TRAP1: variants seen among roughly 807,000 people sequenced by gnomAD.
The protein encoded by TRAP1 is TNF receptor associated protein 1.
TRAP1 carries 102 observed loss-of-function variants against 89.1 expected under a neutral mutation model. That is an observed-to-expected ratio of 1.15 (90% CI 0.98 to 1.35). The LOEUF (loss-of-function observed/expected upper bound fraction) is 1.35, where lower values mean the gene tolerates loss of function less well. Among genes scored for constraint, TRAP1 ranks in the 40% most tolerant of loss-of-function variants. The probability of loss-of-function intolerance (pLI) is 0.00; values close to 1 mark genes in which losing one functional copy is unlikely to be tolerated. For synonymous variants in TRAP1, 508 were observed against 388.0 expected, an observed-to-expected ratio of 1.31 and a Z score of -3.64; for missense variants, 1,256 against 945.3, an observed-to-expected ratio of 1.33 and a Z score of -4.31.
At chr16:3,659,913 C>T (rs2042973596) in intron 16 of TRAP1, 1 of 152,118 alleles carries the variant, frequency 6.6e-6, no homozygotes, top group Non-Finnish European at 1.5e-5. Context: ...CCACCCCCAG[C>T]TAGTTTTTGT....
At chr16:3,705,427 C>CGGAA (rs969620026) in intron 1 of TRAP1, among the ~76,000 whole-genome samples, 2 of 152,094 alleles carry the variant, frequency 1.3e-5, no homozygotes, top group Non-Finnish European at 2.9e-5. Context: ...TGTTCACTCT[C>CGGAA]TTTTCCCTCT....
Position 3,662,081 on chromosome 16 carries a change from C to T in TRAP1, c.1846G>A (p.Gly616Arg), listed in dbSNP as rs1025157363. 6.2e-7 allele frequency: 1 copy of T among 1,613,198 alleles called. No individual in the cohort carries two copies. The highest frequency in any genetic ancestry group is 1.3e-5 in the African/African-American group (1 of 74,934). Residue 616 changes from glycine (G) to arginine (R), a missense_variant, in exon 16 of 18, where the codon GGG becomes AGG. By Grantham distance (125) the Gly-to-Arg change is moderately radical. Transcript: ENST00000246957. ...ATGCGCAGGAAGTGGCGGGCAGCCC[C>T]CATCTCCAGCACGGTGACCATGGCA... ...HPAMVTVLEM[G>R]AARHFLRMQQ...
intron 5 of TRAP1, among the ~76,000 whole-genome samples, chr16:3,678,865 G>A (rs1284855583): frequency 6.6e-6 from 1 of 152,186 alleles, no homozygotes; most frequent in Non-Finnish European, 1.5e-5. Flanking sequence ...GAGTCCAAAT[G>A]TGTTGCTCTG....
In TRAP1 at chr16:3,658,220, T is replaced by C. The variant is rs1024849588; in HGVS notation, c.2024A>G (p.Asn675Ser). Residue 675 changes from asparagine (N) to serine (S), a missense_variant, in exon 18 of 18, where the codon AAC (asparagine) becomes AGC (serine). By Grantham distance (46) the Asn-to-Ser change is conservative (BLOSUM62 1). Coordinates refer to ENST00000246957, the MANE Select transcript of TRAP1 (RefSeq NM_016292.3). ...AACAAGTCCAGCAGCAATCATGGCG[T>C]TCTCGTATATCTGAAAGGCAAGAGG... is the stretch of plus-strand genomic sequence containing the variant. ...AQLLVDQIYE[N>S]AMIAAGLVDD... is the part of the protein sequence containing the mutation. 1.2e-6 allele frequency: 2 copies of C among 1,613,508 alleles called. No individual in the cohort carries two copies. Among genetic ancestry groups the C allele is most frequent in the African/African-American group, 2.7e-5 (2 of 74,772 alleles).
chr16:3,691,448 T>G (rs2051213447), intron 1 of TRAP1, among the ~76,000 whole-genome samples: 1 of 152,224 alleles, frequency 6.6e-6, no homozygotes, highest in Admixed American at 6.5e-5. Flanking sequence ...CTCGAACTCC[T>G]GGGCTGAAAC....
At position 3,664,119 on chromosome 16, in the gene TRAP1, C is replaced by T. The variant is rs763883188; in HGVS notation, c.1569+155G>A. On this transcript the variant is annotated intron_variant, in intron 13 of 17. Coordinates refer to ENST00000246957, the MANE Select transcript of TRAP1 (RefSeq NM_016292.3). The stretch of plus-strand genomic sequence containing the variant: ...ATGTGACCTCCAAGTGGGAAACAGC[C>T]GTCACAGTCGGTCCGGCCTCTGTGC... The T allele has an allele frequency of 1.9e-5, 14 of 754,860 alleles. No individual in the cohort carries two copies. The Middle Eastern group carries it at 1.2e-3, about 64-fold the overall frequency. The allele number at this position is 754,860 out of a possible 1,614,324, so 46.8% of individuals were successfully genotyped here. A position where few individuals can be genotyped will look rare whatever the true frequency, so the allele number is the denominator to read the frequency against.
intron 11 of TRAP1, among the ~76,000 whole-genome samples, chr16:3,670,471 C>A (rs1418457899): frequency 1.3e-5 from 2 of 149,752 alleles, no homozygotes; most frequent in African/African-American, 2.5e-5. Flanking sequence ...GAGGCTGAGG[C>A]CAAAGGATCG....
intron 1 of TRAP1, among the ~76,000 whole-genome samples, chr16:3,708,590 T>C (rs1248687654): frequency 4.6e-5 from 7 of 151,948 alleles, no homozygotes; most frequent in East Asian, 1.9e-4. Context: ...TGAGCCAAGA[T>C]TGTACCACTG....
intron 5 of TRAP1, 140 bp downstream of exon 5, chr16:3,679,579 T>G: frequency 5.1e-5 from 42 of 830,272 alleles, no homozygotes; most frequent in Non-Finnish European, 7.5e-5. Flanking sequence ...TGTCATGTCA[T>G]GAGGTGTTCC....
chr16:3,672,576 G>A (rs999846691), intron 10 of TRAP1, 124 bp downstream of exon 10: 84 of 1,414,978 alleles, frequency 5.9e-5, no homozygotes, highest in African/African-American at 2.7e-4. Flanking sequence ...CACAGGCAGC[G>A]CAGGCCGACG....
At chr16:3,696,480 C>T (rs929887728) in intron 1 of TRAP1, among the ~76,000 whole-genome samples, 1 of 152,114 alleles carries the variant, frequency 6.6e-6, no homozygotes, top group Admixed American at 6.5e-5. Context: ...CAGCAGAATT[C>T]CAATGAATAA....
Position 3,671,759 on chromosome 16 carries a change from G to C in TRAP1, c.1198C>G (p.Leu400Val). The C allele has an allele frequency of 5.0e-6, 8 of 1,613,288 alleles. No homozygotes were observed. The highest frequency in any genetic ancestry group is 5.9e-6 in the Non-Finnish European group (7 of 1,180,026). The change falls in exon 11 of 18, where the codon CTC (leucine) becomes GTC (valine). Residue 400 changes from leucine (L) to valine (V), a missense_variant. Physicochemically the swap from Leu to Val is conservative, Grantham distance 32. Transcript: ENST00000246957. ...CTCTCCTGCAGCAGCTCCCGGCTGA[G>C]GTTCAGGGGAATGTCCTCACTGTCC... is the stretch of plus-strand genomic sequence containing the variant. Reference protein sequence around the residue: ...VVDSEDIPLNLSRELLQESAL... With the variant: ...VVDSEDIPLNVSRELLQESAL...
chr16:3,707,146 C>T (rs944597552), intron 1 of TRAP1, among the ~76,000 whole-genome samples: 1 of 149,886 alleles, frequency 6.7e-6, no homozygotes, highest in Non-Finnish European at 1.5e-5. Context: ...AACTGCCAGG[C>T]ATCTTGAGTT....
chr16:3,664,445 C>G lies in TRAP1; in HGVS notation c.1398G>C (p.Lys466Asn). 1 of 1,611,228 alleles carries G rather than the reference C, an allele frequency of 6.2e-7. No individual in the cohort carries two copies. ...TEQEVKEDIA[K>N]LLRYESSALP... ...GCGCCGAGGACTCGTAGCGCAGCAG[C>G]TTTGCTATGTCCTCCTAGAAGGGAC... Residue 466 changes from lysine to asparagine, a missense_variant, in exon 13 of 18, where the codon AAG (lysine) becomes AAC (asparagine). Physicochemically the swap from Lys to Asn is moderately conservative, Grantham distance 94. Transcript: ENST00000246957.
chr16:3,712,216 G>A (rs1324918071), intron 1 of TRAP1, among the ~76,000 whole-genome samples: 2 of 134,922 alleles, frequency 1.5e-5, no homozygotes, highest in Admixed American at 8.5e-5. Flanking sequence ...CTGAATTCAG[G>A]AGGCGGAAGT....
intron 4 of TRAP1, among the ~76,000 whole-genome samples, chr16:3,683,121 A>G (rs2051094237): frequency 6.6e-6 from 1 of 151,768 alleles, no homozygotes; most frequent in Non-Finnish European, 1.5e-5. Flanking sequence ...GTGAGCTGAA[A>G]TCACACCACT....
At chr16:3,664,611 G>T in intron 12 of TRAP1, 152 bp from the exon 13 acceptor site, 1 of 789,124 alleles carries the variant, frequency 1.3e-6, no homozygotes, top group Non-Finnish European at 1.9e-6. Flanking sequence ...GGGGTTGTCC[G>T]AGAGCAGGCC....
chr16:3,696,939 C>G (rs2051295631), intron 1 of TRAP1, among the ~76,000 whole-genome samples: 1 of 152,132 alleles, frequency 6.6e-6, no homozygotes. Flanking sequence ...GTTGCCCAGG[C>G]TGGTCTCAAA....
intron 1 of TRAP1, among the ~76,000 whole-genome samples, chr16:3,695,780 C>A (rs1279570000): frequency 6.6e-6 from 1 of 152,118 alleles, no homozygotes; most frequent in African/African-American, 2.4e-5. Flanking sequence ...GTGTCCCCTG[C>A]GGAGTCAGCA....
Sources: gnomAD v4.1 joint callset for allele counts (sites outside exome capture counted in the v4.1 genomes callset) on GRCh38, gnomAD v4.1.1 for gene constraint, MANE v1.5 for transcripts, NCBI Gene and HGNC (gene_info 2026-07-23, HGNC 2026-07-21) for gene names.